DEPDC5: variants seen among roughly 807,000 people sequenced by gnomAD.
The protein encoded by DEPDC5 is DEP domain containing 5, GATOR1 subcomplex subunit.
In DEPDC5, 73 loss-of-function variants were observed where a neutral mutation model predicts 217.3. The observed-to-expected ratio is 0.34, with a 90% confidence interval of 0.28 to 0.41. The LOEUF is 0.41. Ranked by LOEUF, DEPDC5 falls within the 10% of genes least tolerant of loss-of-function variation. The pLI is 1.00. For synonymous variants in DEPDC5, 733 were observed against 756.7 expected, an observed-to-expected ratio of 0.97 and a Z score of 0.51; for missense variants, 1,675 against 2,070.1, an observed-to-expected ratio of 0.81 and a Z score of 3.70.
intron 33 of DEPDC5, among the ~76,000 whole-genome samples, chr22:31,862,216 T>A (rs2092541022): frequency 6.6e-6 from 1 of 151,776 alleles, no homozygotes; most frequent in Non-Finnish European, 1.5e-5. Flanking sequence ...CACTCCAGCC[T>A]GGGCAACAAG....
chr22:31,836,901 C>A, intron 25 of DEPDC5, 71 bp from the exon 26 acceptor site: 2 of 1,385,590 alleles, frequency 1.4e-6, no homozygotes, highest in Non-Finnish European at 2.0e-6. Flanking sequence ...CTCCCCTTCC[C>A]TCCCCTGGCC....
In DEPDC5 at chr22:31,871,719, G is replaced by A. The variant is rs117639954; in HGVS notation, c.3485+975G>A. Among the ~76,000 whole-genome samples, 585 of 152,316 alleles carry A rather than the reference G, an allele frequency of 3.8e-3. 11 individuals carry two copies. In the East Asian group the frequency reaches 0.049, roughly 13 times the overall value. On this transcript the variant is annotated intron_variant, in intron 34 of 42. Transcript: ENST00000651528. The stretch of plus-strand genomic sequence containing the variant: ...TTACTTCTGCTTTCAGAAGAAATGA[G>A]GAATCGGGGATATTTAGGCTGGAGG...
chr22:31,834,162 G>A, intron 25 of DEPDC5, 182 bp downstream of exon 25: 1 of 684,058 alleles, frequency 1.5e-6, no homozygotes. Flanking sequence ...AAGTGAGGGG[G>A]TGTGTGACTG....
intron 38 of DEPDC5, among the ~76,000 whole-genome samples, chr22:31,886,885 A>G (rs929351427): frequency 1.9e-4 from 29 of 150,984 alleles, no homozygotes; most frequent in Admixed American, 2.6e-4. Flanking sequence ...CCTGGCCAAC[A>G]TGGTGAAACC....
At chr22:31,788,296 CAG>C (rs921095112) in intron 10 of DEPDC5, among the ~76,000 whole-genome samples, 2 of 107,434 alleles carry the variant, frequency 1.9e-5, no homozygotes, top group African/African-American at 7.7e-5. Flanking sequence ...TTTTTTGAGA[CAG>C]AGTCTCGCCA....
intron 24 of DEPDC5, among the ~76,000 whole-genome samples, chr22:31,830,521 A>G (rs1602239739): frequency 6.6e-6 from 1 of 152,226 alleles, no homozygotes; most frequent in Non-Finnish European, 1.5e-5. Context: ...TTGAATTACA[A>G]GGAAACTGTG....
chr22:31,817,952 A>G (rs1357069665), intron 21 of DEPDC5, among the ~76,000 whole-genome samples: 3 of 152,228 alleles, frequency 2.0e-5, no homozygotes, highest in Non-Finnish European at 4.4e-5. Flanking sequence ...CCTGCAAAGC[A>G]ACTTGAGGAA....
Position 31,843,626 on chromosome 22 carries a change from C to T in DEPDC5, c.2634-19C>T. ...TCTCTAACTCTTTTGAATTTGGGGA[C>T]CTGCCCTTTATTTTGCAGGTATCCT... On this transcript the variant is annotated intron_variant, in intron 28 of 42. Transcript: ENST00000651528. 3 of 1,584,212 alleles carry T rather than the reference C, an allele frequency of 1.9e-6. No individual in the cohort carries two copies. Among genetic ancestry groups the T allele is most frequent in the Non-Finnish European group, 2.6e-6 (3 of 1,158,190 alleles).
At chr22:31,862,521 C>T (rs1007446518) in intron 33 of DEPDC5, among the ~76,000 whole-genome samples, 9 of 151,908 alleles carry the variant, frequency 5.9e-5, no homozygotes, top group Non-Finnish European at 1.2e-4. Context: ...GCCAAAATTG[C>T]ACCACTGCAC....
rs566228275 is a variant in DEPDC5 at position 31,810,337 on chromosome 22, C to T, written c.1325-184C>T. On this transcript the variant is annotated intron_variant, in intron 19 of 42. Coordinates refer to ENST00000651528, the MANE Select transcript of DEPDC5 (RefSeq NM_001242896.3). Reference sequence around the variant, plus strand: ...TTTAGTCTCTACTTGATGAATAGGTCGTTATCCCATTTTTTCAAGGGGAGA... The same window carrying T: ...TTTAGTCTCTACTTGATGAATAGGTTGTTATCCCATTTTTTCAAGGGGAGA... 5.3e-5 allele frequency among the ~76,000 whole-genome samples: 8 copies of T among 152,146 alleles called. No individual in the cohort carries two copies. The South Asian group carries it at 1.0e-3, about 20-fold the overall frequency.
chr22:31,767,546 C>T (rs770265071), intron 6 of DEPDC5, among the ~76,000 whole-genome samples: 20 of 152,066 alleles, frequency 1.3e-4, no homozygotes, highest in African/African-American at 2.2e-4. Context: ...CTGCCCGCCT[C>T]GGCCTCCCAA....
At chr22:31,828,374 C>T (rs1389701451) in intron 24 of DEPDC5, among the ~76,000 whole-genome samples, 1 of 150,628 alleles carries the variant, frequency 6.6e-6, no homozygotes, top group Non-Finnish European at 1.5e-5. Flanking sequence ...TCGCTTTGAA[C>T]CCGGGAGGCG....
At chr22:31,840,132 G>A (rs1234297380) in intron 27 of DEPDC5, among the ~76,000 whole-genome samples, 1 of 152,152 alleles carries the variant, frequency 6.6e-6, no homozygotes, top group East Asian at 1.9e-4. Context: ...TTGTGATAAA[G>A]GCTGAGGGAG....
chr22:31,860,307 C>T (rs190788224), intron 32 of DEPDC5, among the ~76,000 whole-genome samples: 2 of 152,282 alleles, frequency 1.3e-5, no homozygotes, highest in Non-Finnish European at 2.9e-5. Context: ...CCACAAGTTT[C>T]CAAGGTTTCG....
chr22:31,788,680 TCTC>T, intron 10 of DEPDC5, among the ~76,000 whole-genome samples: 1 of 151,872 alleles, frequency 6.6e-6, no homozygotes, highest in Middle Eastern at 3.4e-3. Context: ...TTCAAGCAGT[TCTC>T]CTGCTTCAGC....
chr22:31,849,796 TAAATA>T (rs1486743161), intron 31 of DEPDC5, among the ~76,000 whole-genome samples: 3 of 143,540 alleles, frequency 2.1e-5, no homozygotes, highest in East Asian at 2.1e-4. Context: ...AAAAAATAAG[TAAATA>T]AAATAAAACC....
chr22:31,780,154 A>G (rs2084277551), intron 8 of DEPDC5, among the ~76,000 whole-genome samples: 1 of 152,190 alleles, frequency 6.6e-6, no homozygotes, highest in South Asian at 2.1e-4. Flanking sequence ...CAGATAAGTG[A>G]GTTAGGAGGC....
chr22:31,767,546 C>G (rs770265071), intron 6 of DEPDC5, among the ~76,000 whole-genome samples: 1 of 152,066 alleles, frequency 6.6e-6, no homozygotes, highest in Non-Finnish European at 1.5e-5. Context: ...CTGCCCGCCT[C>G]GGCCTCCCAA....
intron 7 of DEPDC5, among the ~76,000 whole-genome samples, chr22:31,774,977 C>G (rs142065410): frequency 1.9e-4 from 29 of 152,252 alleles, no homozygotes; most frequent in African/African-American, 6.5e-4. Flanking sequence ...GCTTGTGACA[C>G]TTGTTCATTC....
Sources: gnomAD v4.1 joint callset for allele counts (sites outside exome capture counted in the v4.1 genomes callset) on GRCh38, gnomAD v4.1.1 for gene constraint, MANE v1.5 for transcripts, NCBI Gene and HGNC (gene_info 2026-07-23, HGNC 2026-07-21) for gene names.